The following MED15 variants were observed in gnomAD, a reference collection of about 807,000 sequenced individuals.
MED15 encodes mediator complex subunit 15.
MED15 carries 41 observed loss-of-function variants against 118.7 expected under a neutral mutation model. The ratio of observed to expected loss-of-function variants is 0.35; its 90% confidence interval spans 0.27 to 0.45. The LOEUF is 0.45. Among genes scored for constraint, MED15 ranks in the 20% least tolerant of loss-of-function variants. The pLI is 1.00. For missense variants in MED15, 740 were observed against 1,025.5 expected, an observed-to-expected ratio of 0.72 and a Z score of 3.80; for synonymous variants, 436 against 413.9, an observed-to-expected ratio of 1.05 and a Z score of -0.65.
At chr22:20,575,763 A>T (rs990103274) in intron 9 of MED15, among the ~76,000 whole-genome samples, 1 of 136,166 alleles carries the variant, frequency 7.3e-6, no homozygotes, top group Non-Finnish European at 1.6e-5. Flanking sequence ...TATATATTTT[A>T]AAAACAAAAA....
intron 8 of MED15, among the ~76,000 whole-genome samples, chr22:20,570,540 C>T (rs953751882): frequency 6.7e-6 from 1 of 149,690 alleles, no homozygotes. Flanking sequence ...TACAGTTGCA[C>T]ACCACCACAC....
intron 9 of MED15, 68 bp from the exon 10 acceptor site, chr22:20,582,543 G>A (rs937687949): frequency 1.3e-6 from 2 of 1,533,746 alleles, no homozygotes; most frequent in African/African-American, 2.7e-5. Flanking sequence ...TGCGTGCGGT[G>A]GGCAGGTGGT....
intron 2 of MED15, among the ~76,000 whole-genome samples, chr22:20,550,077 T>G (rs1421729703): frequency 6.6e-6 from 1 of 152,206 alleles, no homozygotes; most frequent in Non-Finnish European, 1.5e-5. Flanking sequence ...CTGTGAGGTG[T>G]TGACCTGGCT....
At position 20,564,447 on chromosome 22, in the gene MED15, C is replaced by T. The variant is rs770313685; in HGVS notation, c.452-3C>T. 2 of 1,613,696 alleles carry T rather than the reference C, an allele frequency of 1.2e-6. No individual in the cohort carries two copies. The highest frequency in any genetic ancestry group is 1.7e-6 in the Non-Finnish European group (2 of 1,179,890). ...CTGACTGGCGACTCTGGTCTTTTCT[C>T]AGCCCAGCTGCAGCTCCAGCAGGTG... On this transcript the variant is annotated splice_polypyrimidine_tract_variant and splice_region_variant and intron_variant, in intron 5 of 17. Coordinates refer to ENST00000263205, the MANE Select transcript of MED15 (RefSeq NM_001003891.3).
chr22:20,555,210 C>T lies in MED15; in HGVS notation c.451+62C>T. ...CTTGCAAACGACAACACATTTTATT[C>T]CTGTGCTTATGATGGTATCAAGAAA... is the stretch of plus-strand genomic sequence containing the variant. On this transcript the variant is annotated intron_variant, in intron 5 of 17. Transcript: ENST00000263205. 5.6e-6 allele frequency: 8 copies of T among 1,440,030 alleles called. 1 individual carries two copies. Among genetic ancestry groups the T allele is most frequent in the Admixed American group, 2.1e-5 (1 of 48,142 alleles). The allele number at this position is 1,440,030 out of a possible 1,614,324, so 89.2% of individuals were successfully genotyped here. A position where few individuals can be genotyped will look rare whatever the true frequency, so the allele number is the denominator to read the frequency against.
intron 1 of MED15, chr22:20,518,859 T>C: frequency 2.2e-6 from 1 of 453,454 alleles, no homozygotes; most frequent in South Asian, 1.6e-5. Context: ...ATTCATTTAT[T>C]TGTTTGTTTA....
chr22:20,568,886 T>C (rs1040860535), intron 8 of MED15, among the ~76,000 whole-genome samples: 2 of 152,132 alleles, frequency 1.3e-5, no homozygotes, highest in African/African-American at 4.8e-5. Flanking sequence ...TCCTTCATTA[T>C]CCCTCTTCCT....
At chr22:20,511,940 C>A (rs1371531678) in intron 1 of MED15, among the ~76,000 whole-genome samples, 1 of 149,784 alleles carries the variant, frequency 6.7e-6, no homozygotes, top group East Asian at 2.0e-4. Context: ...CTCCTACCCC[C>A]ACCGTGTTCT....
chr22:20,546,086 C>T (rs559264704), intron 2 of MED15, among the ~76,000 whole-genome samples: 20 of 152,268 alleles, frequency 1.3e-4, no homozygotes, highest in African/African-American at 4.3e-4. Context: ...CAAGTTTCAA[C>T]GCTTTTTTCC....
chr22:20,582,258 C>T, intron 9 of MED15: 2 of 381,752 alleles, frequency 5.2e-6, no homozygotes, highest in South Asian at 2.7e-5. Context: ...ACAGGACAGG[C>T]AGGCGTGTCA....
intron 1 of MED15, among the ~76,000 whole-genome samples, chr22:20,526,466 TTC>T (rs2146394851): frequency 6.6e-6 from 1 of 152,338 alleles, no homozygotes; most frequent in Non-Finnish European, 1.5e-5. Context: ...GTATTCTACT[TTC>T]TGCATAAATC....
At chr22:20,581,720 T>G (rs953193448) in intron 9 of MED15, among the ~76,000 whole-genome samples, 1 of 152,124 alleles carries the variant, frequency 6.6e-6, no homozygotes, top group Admixed American at 6.5e-5. Flanking sequence ...CAGGAAGGTG[T>G]GGGTGTTTTA....
At chr22:20,539,311 A>G (rs560496259) in intron 2 of MED15, among the ~76,000 whole-genome samples, 3 of 151,910 alleles carry the variant, frequency 2.0e-5, no homozygotes, top group Non-Finnish European at 4.4e-5. Flanking sequence ...GTCTGGGGCT[A>G]TGTTGGCCAG....
rs1309386635 is a variant in MED15, at chr22:20,583,014, C to T, written c.1537+47C>T. On this transcript the variant is annotated intron_variant, in intron 11 of 17. Coordinates refer to ENST00000263205, the MANE Select transcript of MED15 (RefSeq NM_001003891.3). Reference sequence around the variant, plus strand: ...AAGGTCACTCCTCACCTTTATGAGGCCTCAGCTCATACTGGGTGTGCGAGC... The same window carrying T: ...AAGGTCACTCCTCACCTTTATGAGGTCTCAGCTCATACTGGGTGTGCGAGC... 11 of 1,590,406 alleles carry T rather than the reference C, an allele frequency of 6.9e-6. No individual in the cohort carries two copies. In the East Asian group the frequency reaches 2.3e-4, roughly 33 times the overall value.
At chr22:20,532,405 C>T (rs140329763) in intron 1 of MED15, among the ~76,000 whole-genome samples, 2 of 152,266 alleles carry the variant, frequency 1.3e-5, no homozygotes, top group East Asian at 3.9e-4. Context: ...CAGTTCTGGA[C>T]AGTAAGGACA....
At chr22:20,574,118 G>A (rs544144385) in intron 8 of MED15, 1 of 152,280 alleles carries the variant, frequency 6.6e-6, no homozygotes, top group African/African-American at 2.4e-5. Flanking sequence ...TGCACCGAAG[G>A]CTGGCAGCAC....
chr22:20,543,613 A>G (rs1197976466), intron 2 of MED15, among the ~76,000 whole-genome samples: 1 of 151,080 alleles, frequency 6.6e-6, no homozygotes, highest in African/African-American at 2.4e-5. Flanking sequence ...GCTGGAGTGC[A>G]GTAGCGCGAT....
At chr22:20,508,919 C>T (rs2146322293) in intron 1 of MED15, among the ~76,000 whole-genome samples, 1 of 152,286 alleles carries the variant, frequency 6.6e-6, no homozygotes, top group South Asian at 2.1e-4. Context: ...GGTAAAGGAA[C>T]CGTCACAGCG....
At chr22:20,529,446 CAG>C (rs754815084) in intron 1 of MED15, among the ~76,000 whole-genome samples, 3 of 151,222 alleles carry the variant, frequency 2.0e-5, no homozygotes, top group Non-Finnish European at 4.4e-5. Flanking sequence ...TTTTTTGAGA[CAG>C]AGTTTTACTC....
Sources: gnomAD v4.1 joint callset for allele counts (sites outside exome capture counted in the v4.1 genomes callset) on GRCh38, gnomAD v4.1.1 for gene constraint, MANE v1.5 for transcripts, NCBI Gene and HGNC (gene_info 2026-07-23, HGNC 2026-07-21) for gene names.